The following STAG1 variants were observed in gnomAD, a reference collection of about 807,000 sequenced individuals.
STAG1 encodes the protein STAG1 cohesin complex component, also known as cohesin subunit SA-1.
Under a neutral mutation model 170.9 loss-of-function variants are expected in STAG1, and 26 were observed. The ratio of observed to expected loss-of-function variants is 0.15; its 90% CI spans 0.11 to 0.21. STAG1 has a LOEUF of 0.21. Among genes scored for constraint, STAG1 ranks in the 10% least tolerant of loss-of-function variants. The probability of loss-of-function intolerance (pLI) is 1.00; values close to 1 mark genes in which losing one functional copy is unlikely to be tolerated. For synonymous variants in STAG1, 514 were observed against 497.7 expected, an observed-to-expected ratio of 1.03 and a Z score of -0.44; for missense variants, 964 against 1,509.5, an observed-to-expected ratio of 0.64 and a Z score of 5.99.
At chr3:136,736,622 G>C (rs1305789297) in intron 1 of STAG1, 1 of 1,600,758 alleles carries the variant, frequency 6.2e-7, no homozygotes, top group Non-Finnish European at 8.5e-7. Flanking sequence ...TTTCCTCAAA[G>C]TTTTTCTGCC....
rs750743008 is a variant in STAG1, at chr3:136,421,057, C to T, written c.2108+36G>A. On this transcript the variant is annotated intron_variant, in intron 20 of 33. Transcript: ENST00000383202. ...AAGTGTTGGGGTTACAGGCATGAGC[C>T]ACCTCGTTGCCTTTACTTTAAATAA... 25 of 1,376,322 alleles carry T rather than the reference C, an allele frequency of 1.8e-5. No homozygotes were observed. In the African/African-American group the frequency reaches 2.3e-4, roughly 13 times the overall value. 85.3% of individuals were successfully genotyped at this position (1,376,322 alleles called of 1,614,324 possible). A position where few individuals can be genotyped will look rare whatever the true frequency, so the allele number is the denominator to read the frequency against.
chr3:136,544,398 T>C (rs981235758), intron 5 of STAG1, among the ~76,000 whole-genome samples: 1 of 152,140 alleles, frequency 6.6e-6, no homozygotes, highest in Admixed American at 6.5e-5. Context: ...AGACTGAAAG[T>C]AGACAGAACT....
At chr3:136,751,859 G>A (rs1455762483) in intron 1 of STAG1, among the ~76,000 whole-genome samples, 1 of 150,782 alleles carries the variant, frequency 6.6e-6, no homozygotes, top group African/African-American at 2.4e-5. Flanking sequence ...CGCCACAAAG[G>A]CTTCCGCGCC....
intron 1 of STAG1, among the ~76,000 whole-genome samples, chr3:136,713,366 T>C (rs1381057195): frequency 6.6e-6 from 1 of 151,990 alleles, no homozygotes; most frequent in East Asian, 1.9e-4. Context: ...GACAATCACT[T>C]GAGGTCAGGA....
chr3:136,746,863 G>A (rs1306315199), intron 1 of STAG1, among the ~76,000 whole-genome samples: 1 of 151,586 alleles, frequency 6.6e-6, no homozygotes, highest in Non-Finnish European at 1.5e-5. Flanking sequence ...TTCGGAGGCC[G>A]AGGCAGGCGG....
In STAG1 at chr3:136,422,557, T is replaced by C; in HGVS notation, c.1890A>G (p.Ser630=). 1 of 1,614,066 alleles carries C rather than the reference T, an allele frequency of 6.2e-7. No individual in the cohort carries two copies. The highest frequency in any genetic ancestry group is 8.5e-7 in the Non-Finnish European group (1 of 1,179,968). The change falls in exon 19 of 34, where the codon TCA becomes TCG. Residue 630 remains serine (S), a synonymous_variant. Coordinates refer to ENST00000383202, the MANE Select transcript of STAG1 (RefSeq NM_005862.3). ...IKFVVEKHVE[S]DVLEACSKTY... The stretch of plus-strand genomic sequence containing the variant: ...TTTTACTGCAGGCTTCTAGAACATC[T>C]GATTCTACGTGTTTCTCCACAACAA...
At chr3:136,633,486 G>A (rs1156463681) in intron 1 of STAG1, among the ~76,000 whole-genome samples, 1 of 151,880 alleles carries the variant, frequency 6.6e-6, no homozygotes, top group Non-Finnish European at 1.5e-5. Flanking sequence ...GATCACTTGA[G>A]GTCAGGAGCT....
intron 1 of STAG1, among the ~76,000 whole-genome samples, chr3:136,726,882 C>G (rs1933718354): frequency 6.6e-6 from 1 of 152,180 alleles, no homozygotes; most frequent in African/African-American, 2.4e-5. Context: ...CTGTACTCTT[C>G]CTGCATTATG....
chr3:136,375,621 T>C (rs1045167281), intron 23 of STAG1, among the ~76,000 whole-genome samples: 6 of 152,082 alleles, frequency 3.9e-5, no homozygotes, highest in Admixed American at 2.0e-4. Context: ...CAGCAGGCCA[T>C]AGTTTTGGAC....
rs764370497 is a variant in STAG1, at chr3:136,444,449, A to G, written c.1429-1045T>C. Among the ~76,000 whole-genome samples the G allele has an allele frequency of 2.6e-5, 4 of 152,192 alleles. No homozygotes were observed. In the East Asian group the frequency reaches 7.7e-4, roughly 29 times the overall value. ...TGTTGGCATTGTTCTGGTTTCTGCT[A>G]CTTACAAGTAACTTCTCCACCCTAA... On this transcript the variant is annotated intron_variant, in intron 14 of 33. Transcript: ENST00000383202.
intron 3 of STAG1, among the ~76,000 whole-genome samples, chr3:136,605,491 TAG>T (rs1191956353): frequency 2.6e-5 from 4 of 152,234 alleles, no homozygotes; most frequent in African/African-American, 9.6e-5. Context: ...CTAAATGCAA[TAG>T]ACATTTCTTG....
chr3:136,540,687 T>C (rs1935845933), intron 6 of STAG1, among the ~76,000 whole-genome samples: 1 of 151,500 alleles, frequency 6.6e-6, no homozygotes, highest in Non-Finnish European at 1.5e-5. Flanking sequence ...CTGGGCGTGG[T>C]GGCACACCCC....
At position 136,337,988 on chromosome 3, in the gene STAG1, A is replaced by C. The variant is rs1935767502; in HGVS notation, c.*266T>G. 1 of 360,542 alleles carries C rather than the reference A, an allele frequency of 2.8e-6. No homozygotes were observed. Among genetic ancestry groups the C allele is most frequent in the Admixed American group, 4.5e-5 (1 of 22,118 alleles). 22.3% of individuals were successfully genotyped at this position (360,542 alleles called of 1,614,324 possible). On this transcript the variant is annotated 3_prime_UTR_variant, in exon 34 of 34. Transcript: ENST00000383202. ...TAAAATTTCTTCCTCCCTCCAGAAA[A>C]ACACACACATCTGTATTGGGATAAG... is the stretch of plus-strand genomic sequence containing the variant.
intron 28 of STAG1, among the ~76,000 whole-genome samples, chr3:136,351,504 A>AC (rs1323859917): frequency 6.6e-6 from 1 of 152,202 alleles, no homozygotes; most frequent in East Asian, 1.9e-4. Flanking sequence ...GGGCAAAAAA[A>AC]GGGAAGGGAA....
chr3:136,641,799 T>C (rs887340642), intron 1 of STAG1, among the ~76,000 whole-genome samples: 1 of 152,250 alleles, frequency 6.6e-6, no homozygotes, highest in Non-Finnish European at 1.5e-5. Context: ...CAGTGATTTC[T>C]TGACAATTAC....
chr3:136,590,335 CA>C (rs1345731626), intron 4 of STAG1, among the ~76,000 whole-genome samples: 1 of 149,846 alleles, frequency 6.7e-6, no homozygotes, highest in Non-Finnish European at 1.5e-5. Context: ...AAAATACACA[CA>C]AAAAAAATTA....
intron 1 of STAG1, among the ~76,000 whole-genome samples, chr3:136,701,307 C>T (rs1443744938): frequency 6.6e-6 from 1 of 152,092 alleles, no homozygotes; most frequent in Non-Finnish European, 1.5e-5. Flanking sequence ...TAAAATACTC[C>T]TATTTTTGTA....
chr3:136,477,156 A>G (rs1377112019), intron 10 of STAG1, 133 bp downstream of exon 10: 1 of 924,102 alleles, frequency 1.1e-6, no homozygotes, highest in Non-Finnish European at 1.6e-6. Flanking sequence ...GTAAATAGTT[A>G]TTCAGCTGCA....
At chr3:136,560,934 G>A (rs547577294) in intron 5 of STAG1, among the ~76,000 whole-genome samples, 3 of 152,174 alleles carry the variant, frequency 2.0e-5, no homozygotes, top group Non-Finnish European at 1.5e-5. Context: ...GTGGGGACGG[G>A]GCGAATTGTG....
Sources: allele counts gnomAD v4.1 joint callset (sites outside exome capture counted in the v4.1 genomes callset), GRCh38; gene constraint gnomAD v4.1.1; transcripts MANE v1.5; gene names NCBI Gene and HGNC (gene_info 2026-07-23, HGNC 2026-07-21).